UTP20: variants seen among roughly 807,000 people sequenced by gnomAD.
The protein encoded by UTP20 is small subunit processome component 20 homolog.
A neutral mutation model predicts 329.5 loss-of-function variants in UTP20; 164 were observed. The observed-to-expected ratio is 0.50, with a 90% CI of 0.44 to 0.57. UTP20 has a LOEUF of 0.57. UTP20 is among the 20% of genes least tolerant of loss of function. The pLI is 0.00. For synonymous variants in UTP20, 1,151 were observed against 1,159.3 expected, an observed-to-expected ratio of 0.99 and a Z score of 0.14; for missense variants, 3,055 against 3,284.2, an observed-to-expected ratio of 0.93 and a Z score of 1.71.
intron 25 of UTP20, among the ~76,000 whole-genome samples, chr12:101,322,532 A>C (rs1868398438): frequency 6.6e-6 from 1 of 152,200 alleles, no homozygotes; most frequent in Non-Finnish European, 1.5e-5. Context: ...TAAATCTTTC[A>C]TCTCACCAGC....
At chr12:101,382,479 G>A (rs1870678989) in intron 58 of UTP20, among the ~76,000 whole-genome samples, 2 of 152,164 alleles carry the variant, frequency 1.3e-5, no homozygotes, top group African/African-American at 4.8e-5. Context: ...CTTATTCTGT[G>A]TGACTTTAAA....
Position 101,333,365 on chromosome 12 carries a change from A to C in UTP20, c.3482A>C (p.Asp1161Ala). The change falls in exon 28 of 62, where the codon GAT becomes GCT. Residue 1161 changes from aspartate (D) to alanine (A), a missense_variant. Transcript: ENST00000261637. ...CGTCTTGGAATCAAAATGGTAACTG[A>C]TATCTTTTTGGACTGGGAATCATAT... Reference protein sequence around the residue: ...LRRLGIKMVTDIFLDWESYQF... With the variant: ...LRRLGIKMVTAIFLDWESYQF... 6.2e-7 allele frequency: 1 copy of C among 1,614,028 alleles called. No individual in the cohort carries two copies. Among genetic ancestry groups the C allele is most frequent in the Non-Finnish European group, 8.5e-7 (1 of 1,179,948 alleles).
At chr12:101,282,924 AG>A (rs1380353167) in intron 2 of UTP20, among the ~76,000 whole-genome samples, 1 of 152,244 alleles carries the variant, frequency 6.6e-6, no homozygotes, top group Non-Finnish European at 1.5e-5. Context: ...GTTTGCAGCA[AG>A]GAAGATAATG....
chr12:101,323,638 T>A (rs1339634936), intron 25 of UTP20, among the ~76,000 whole-genome samples: 1 of 152,030 alleles, frequency 6.6e-6, no homozygotes, highest in Non-Finnish European at 1.5e-5. Context: ...CTCATGAAAT[T>A]TTTTTTTAAT....
intron 29 of UTP20, among the ~76,000 whole-genome samples, chr12:101,336,601 C>T (rs984079878): frequency 1.3e-5 from 2 of 152,190 alleles, no homozygotes; most frequent in African/African-American, 4.8e-5. Flanking sequence ...ACCACAGCCC[C>T]AGCATAGCAG....
intron 45 of UTP20, among the ~76,000 whole-genome samples, chr12:101,363,949 G>A (rs1221913413): frequency 3.9e-5 from 6 of 152,120 alleles, no homozygotes; most frequent in Non-Finnish European, 8.8e-5. Flanking sequence ...GAGAAAGAAA[G>A]GCAACAAGAA....
chr12:101,371,523 C>CTT (rs58024998), intron 51 of UTP20, among the ~76,000 whole-genome samples: 19 of 65,392 alleles, frequency 2.9e-4, no homozygotes, highest in South Asian at 7.0e-4. Context: ...GGGCTTTGTT[C>CTT]TTTTTTTTTT....
intron 29 of UTP20, 57 bp from the exon 30 acceptor site, chr12:101,337,993 GT>G: frequency 6.7e-7 from 1 of 1,490,132 alleles, no homozygotes; most frequent in Non-Finnish European, 9.3e-7. Flanking sequence ...ATATGGACAT[GT>G]TTTTAGAAGT....
chr12:101,347,020 T>A (rs1300266195), intron 38 of UTP20, among the ~76,000 whole-genome samples: 2 of 152,136 alleles, frequency 1.3e-5, no homozygotes, highest in Admixed American at 1.3e-4. Context: ...TCACAACAAC[T>A]CAACTCTCTG....
rs867431510 is a variant in UTP20 at position 101,317,549 on chromosome 12, T to C, written c.2624T>C (p.Val875Ala). 3.7e-6 allele frequency: 6 copies of C among 1,614,038 alleles called. 1 individual carries two copies. In the African/African-American group the frequency reaches 5.3e-5, roughly 14 times the overall value. ...QDLRRKGKGM[V>A]AEEIEEEPAA... is the part of the protein sequence containing the mutation. The stretch of plus-strand genomic sequence containing the variant: ...CTACGGAGAAAAGGCAAAGGGATGG[T>C]GGCAGAGGAAATCGAAGAGGAACCT... The change falls in exon 22 of 62, where the codon GTG becomes GCG. Residue 875 changes from valine (V) to alanine (A), a missense_variant. By Grantham distance (64) the Val-to-Ala change is moderately conservative. Transcript: ENST00000261637.
chr12:101,301,022 A>G (rs1872507421), intron 14 of UTP20, among the ~76,000 whole-genome samples: 1 of 152,230 alleles, frequency 6.6e-6, no homozygotes, highest in South Asian at 2.1e-4. Context: ...TCTTTGTGGC[A>G]TATATATGTA....
Position 101,302,502 on chromosome 12 carries a change from C to T in UTP20, c.1730C>T (p.Ser577Phe). Reference sequence around the variant, plus strand: ...AATACTCTACTAAGTTTGGAAGAATCTTCTGAACTTCTTCATTTGGTTCCT... The same window carrying T: ...AATACTCTACTAAGTTTGGAAGAATTTTCTGAACTTCTTCATTTGGTTCCT... ...AVNTLLSLEESSELLHLVPVE... is the reference protein window; with the variant it reads ...AVNTLLSLEEFSELLHLVPVE... The change falls in exon 15 of 62, where the codon TCT becomes TTT. Residue 577 changes from serine (S) to phenylalanine (F), a missense_variant. Around this residue, in one of 3 missense-constraint regions of UTP20, gnomAD observed 2,445 missense variants for 2,575.5 expected, o/e 0.95. Coordinates refer to ENST00000261637, the MANE Select transcript of UTP20 (RefSeq NM_014503.3). The T allele has an allele frequency of 6.2e-7, 1 of 1,610,614 alleles. No homozygotes were observed. Among genetic ancestry groups the T allele is most frequent in the African/African-American group, 1.3e-5 (1 of 74,898 alleles).
At chr12:101,318,936 G>C (rs1210072946) in intron 22 of UTP20, among the ~76,000 whole-genome samples, 1 of 151,550 alleles carries the variant, frequency 6.6e-6, no homozygotes, top group Non-Finnish European at 1.5e-5. Flanking sequence ...AACAGAAATA[G>C]TGTATGAAGC....
At chr12:101,380,863 T>TAA (rs35235306) in intron 57 of UTP20, among the ~76,000 whole-genome samples, 140 of 115,136 alleles carry the variant, frequency 1.2e-3, no homozygotes, top group Middle Eastern at 4.7e-3. Flanking sequence ...GACTCTGTCT[T>TAA]AAAAAAAAAA....
At chr12:101,319,975 A>G (rs1339184650) in intron 23 of UTP20, among the ~76,000 whole-genome samples, 1 of 152,168 alleles carries the variant, frequency 6.6e-6, no homozygotes, top group Non-Finnish European at 1.5e-5. Context: ...TTTCCCTTCT[A>G]GTTTAGTCAG....
Position 101,329,338 on chromosome 12 carries a change from G to C in UTP20, c.3306G>C (p.Glu1102Asp). ...AGCACGGTATCTTAAACAGCCTTGAGATAGTATTGAAAAACATTAGTCATC... is the reference window on the plus strand; with the variant it reads ...AGCACGGTATCTTAAACAGCCTTGACATAGTATTGAAAAACATTAGTCATC... ...GRQHGILNSL[E>D]IVLKNISHLI... is the part of the protein sequence containing the mutation. Residue 1102 changes from glutamate (E) to aspartate (D), a missense_variant, in exon 27 of 62, where the codon GAG becomes GAC. By Grantham distance (45) the Glu-to-Asp change is conservative. Coordinates refer to ENST00000261637, the MANE Select transcript of UTP20 (RefSeq NM_014503.3). 1 of 1,614,110 alleles carries C rather than the reference G, an allele frequency of 6.2e-7. No individual in the cohort carries two copies. Among genetic ancestry groups the C allele is most frequent in the Non-Finnish European group, 8.5e-7 (1 of 1,180,016 alleles).
At chr12:101,330,623 G>A (rs1868730588) in intron 27 of UTP20, among the ~76,000 whole-genome samples, 1 of 152,244 alleles carries the variant, frequency 6.6e-6, no homozygotes, top group African/African-American at 2.4e-5. Flanking sequence ...TAAGGGCCAT[G>A]GGAAGAATCA....
At chr12:101,339,765 A>G (rs2137275605) in intron 31 of UTP20, among the ~76,000 whole-genome samples, 1 of 152,344 alleles carries the variant, frequency 6.6e-6, no homozygotes, top group Admixed American at 6.5e-5. Context: ...CCTGAGTGCA[A>G]GAAACAATTC....
chr12:101,361,499 G>A (rs1869915913), intron 43 of UTP20, among the ~76,000 whole-genome samples: 1 of 152,064 alleles, frequency 6.6e-6, no homozygotes, highest in East Asian at 1.9e-4. Flanking sequence ...GATGCCGGGT[G>A]ACTGTAATCC....
Sources: allele counts gnomAD v4.1 joint callset (sites outside exome capture counted in the v4.1 genomes callset), GRCh38; gene constraint gnomAD v4.1.1; regional missense constraint gnomAD v4.1.1; transcripts MANE v1.5; gene names NCBI Gene and HGNC (gene_info 2026-07-23, HGNC 2026-07-21).